CAMKMT: variants seen among roughly 807,000 people sequenced by gnomAD.
CAMKMT encodes the protein CaM KMT.
CAMKMT carries 53 observed loss-of-function variants against 48.0 expected under a neutral mutation model. The observed-to-expected ratio is 1.10, with a 90% CI of 0.89 to 1.39. The LOEUF is 1.39. Among genes scored for constraint, CAMKMT ranks in the 40% most tolerant of loss-of-function variants. CAMKMT has a pLI of 0.00. For missense variants in CAMKMT, 428 were observed against 402.7 expected, an observed-to-expected ratio of 1.06 and a Z score of -0.54; for synonymous variants, 165 against 152.3, an observed-to-expected ratio of 1.08 and a Z score of -0.61.
intron 3 of CAMKMT, among the ~76,000 whole-genome samples, chr2:44,674,604 A>C (rs1274607082): frequency 6.6e-6 from 1 of 152,202 alleles, no homozygotes; most frequent in Non-Finnish European, 1.5e-5. Flanking sequence ...AAAGTGCCCT[A>C]CTGTAAATCT....
At chr2:44,573,139 GTGC>G (rs1669016234) in intron 3 of CAMKMT, among the ~76,000 whole-genome samples, 1 of 151,570 alleles carries the variant, frequency 6.6e-6, no homozygotes, top group Non-Finnish European at 1.5e-5. Flanking sequence ...ATCTTTTCAT[GTGC>G]TGCTATTACT....
intron 3 of CAMKMT, among the ~76,000 whole-genome samples, chr2:44,576,753 G>C (rs745722004): frequency 6.6e-5 from 10 of 152,196 alleles, no homozygotes; most frequent in Non-Finnish European, 1.3e-4. Context: ...GTGTGCTGTG[G>C]AGGCTAGAGT....
At chr2:44,431,692 TC>T (rs1247475526) in intron 3 of CAMKMT, among the ~76,000 whole-genome samples, 1 of 152,196 alleles carries the variant, frequency 6.6e-6, no homozygotes, top group Non-Finnish European at 1.5e-5. Flanking sequence ...GAAATTTTTT[TC>T]TAGGCTCCTC....
At chr2:44,650,457 A>G (rs1673994979) in intron 3 of CAMKMT, among the ~76,000 whole-genome samples, 2 of 152,232 alleles carry the variant, frequency 1.3e-5, no homozygotes. Flanking sequence ...GAAGGAGATC[A>G]ATCCATAATA....
chr2:44,398,572 T>C (rs573067584), intron 3 of CAMKMT, among the ~76,000 whole-genome samples: 4 of 150,746 alleles, frequency 2.7e-5, no homozygotes, highest in African/African-American at 9.7e-5. Flanking sequence ...CTTTTCTTTT[T>C]TTTTTTTTTT....
At chr2:44,764,950 C>T (rs1283794727) in intron 9 of CAMKMT, among the ~76,000 whole-genome samples, 2 of 152,030 alleles carry the variant, frequency 1.3e-5, no homozygotes, top group African/African-American at 4.8e-5. Flanking sequence ...GGGTTGGGCA[C>T]GGTGGCTCAT....
intron 3 of CAMKMT, among the ~76,000 whole-genome samples, chr2:44,581,726 C>T (rs952849455): frequency 3.3e-5 from 5 of 152,334 alleles, no homozygotes; most frequent in African/African-American, 9.6e-5. Context: ...TTTTGCCGGG[C>T]GTGGTGGCTC....
rs192088167 is a variant in CAMKMT, at chr2:44,366,959, A to G, written c.138+4814A>G. 2.9e-3 allele frequency among the ~76,000 whole-genome samples: 444 copies of G among 152,152 alleles called. 1 individual carries two copies. Among genetic ancestry groups the G allele is most frequent in the African/African-American group, 9.6e-3 (400 of 41,496 alleles). On this transcript the variant is annotated intron_variant, in intron 1 of 10. Transcript: ENST00000378494. ...AGGCAGGTCTCGAACTCCTGAGCTC[A>G]AGCAATCTGCCCACCTCAGCCTCCC...
intron 3 of CAMKMT, among the ~76,000 whole-genome samples, chr2:44,600,619 A>G (rs1443772871): frequency 6.6e-6 from 1 of 152,068 alleles, no homozygotes; most frequent in Non-Finnish European, 1.5e-5. Context: ...TTGCACTTTC[A>G]TATTTAGGTA....
intron 3 of CAMKMT, among the ~76,000 whole-genome samples, chr2:44,413,689 A>G (rs559073902): frequency 6.6e-6 from 1 of 152,012 alleles, no homozygotes; most frequent in Admixed American, 6.6e-5. Context: ...AATTTAAGAA[A>G]TGGATCCATG....
At chr2:44,488,739 A>C (rs1163880679) in intron 3 of CAMKMT, among the ~76,000 whole-genome samples, 1 of 151,800 alleles carries the variant, frequency 6.6e-6, no homozygotes, top group African/African-American at 2.4e-5. Flanking sequence ...AAAAACCCAA[A>C]CTTATTTGTA....
chr2:44,398,562 C>A lies in CAMKMT; in HGVS notation c.376+8257C>A, dbSNP rs1041134618. ...CTTCAGTTTCTTTCTTTTTTCTTTT[C>A]TTTTCTTTTTTTTTTTTTTTGAGAA... On this transcript the variant is annotated intron_variant, in intron 3 of 10. Transcript: ENST00000378494. Among the ~76,000 whole-genome samples, 6 of 111,556 alleles carry A rather than the reference C, an allele frequency of 5.4e-5. No homozygotes were observed. The East Asian group carries it at 1.3e-3, about 24-fold the overall frequency. 73.2% of individuals were successfully genotyped at this position (111,556 alleles called of 152,430 possible).
chr2:44,665,350 T>C (rs112145286), intron 3 of CAMKMT, among the ~76,000 whole-genome samples: 27,566 of 152,104 alleles, frequency 0.18, 3,373 homozygotes, highest in African/African-American at 0.33. Context: ...GGATTACAGG[T>C]GTGAGCCACC....
chr2:44,726,709 G>C (rs1273385491), intron 7 of CAMKMT, among the ~76,000 whole-genome samples: 3 of 152,224 alleles, frequency 2.0e-5, no homozygotes, highest in Non-Finnish European at 1.5e-5. Context: ...AATGTCAAGA[G>C]AGTATTTCCT....
chr2:44,405,796 A>G (rs1682736330), intron 3 of CAMKMT, among the ~76,000 whole-genome samples: 1 of 152,202 alleles, frequency 6.6e-6, no homozygotes, highest in Non-Finnish European at 1.5e-5. Context: ...GGAAAGAAAC[A>G]TAAATGGATT....
chr2:44,390,462 G>C (rs1330204653), intron 3 of CAMKMT, among the ~76,000 whole-genome samples, 157 bp downstream of exon 3: 3 of 151,016 alleles, frequency 2.0e-5, no homozygotes, highest in Non-Finnish European at 4.4e-5. Flanking sequence ...TGCAAAATAA[G>C]CCTTGTATAA....
intron 6 of CAMKMT, among the ~76,000 whole-genome samples, chr2:44,713,008 C>T (rs1241817897): frequency 8.6e-5 from 13 of 151,868 alleles, no homozygotes; most frequent in African/African-American, 3.1e-4. Flanking sequence ...CCTCTTAAAC[C>T]ACAAAACTTA....
chr2:44,637,149 G>A (rs1673181422), intron 3 of CAMKMT, among the ~76,000 whole-genome samples: 2 of 152,220 alleles, frequency 1.3e-5, no homozygotes, highest in Admixed American at 6.5e-5. Flanking sequence ...AATAGTTAAT[G>A]ACAGTCATTT....
At chr2:44,762,455 C>T (rs1680656968) in intron 9 of CAMKMT, among the ~76,000 whole-genome samples, 1 of 152,180 alleles carries the variant, frequency 6.6e-6, no homozygotes, top group South Asian at 2.1e-4. Flanking sequence ...CTTGGTCTTC[C>T]TCCCCTAATG....
Sources: allele counts gnomAD v4.1 joint callset (sites outside exome capture counted in the v4.1 genomes callset), GRCh38; gene constraint gnomAD v4.1.1; transcripts MANE v1.5; gene names NCBI Gene and HGNC (gene_info 2026-07-23, HGNC 2026-07-21).